Variants in NCEH1 observed in about 807,000 individuals in gnomAD.
The protein encoded by NCEH1 is 2-acetyl MAGE hydrolase.
Under a neutral mutation model 25.4 loss-of-function variants are expected in NCEH1, and 9 were observed. That is an observed-to-expected ratio of 0.35 (90% CI 0.21 to 0.62). The LOEUF (loss-of-function observed/expected upper bound fraction) is 0.62. NCEH1 is among the 20% of genes least tolerant of loss of function. NCEH1 has a pLI of 0.72. For missense variants in NCEH1, 412 were observed against 501.1 expected, an observed-to-expected ratio of 0.82 and a Z score of 1.70; for synonymous variants, 200 against 199.8, an observed-to-expected ratio of 1.00 and a Z score of -0.01.
chr3:172,647,838 C>T (rs1419953145), intron 2 of NCEH1, 48 bp downstream of exon 2: 2 of 1,608,962 alleles, frequency 1.2e-6, no homozygotes, highest in Admixed American at 1.7e-5. Context: ...CGCATCTCCC[C>T]CAAGGCCAAC....
intron 2 of NCEH1, 103 bp from the exon 3 acceptor site, chr3:172,645,795 C>A (rs1717092027): frequency 6.6e-6 from 4 of 604,498 alleles, no homozygotes; most frequent in African/African-American, 1.9e-5. Context: ...GGAGCTAATA[C>A]TAAAAACAAA....
intron 1 of NCEH1, among the ~76,000 whole-genome samples, chr3:172,678,981 G>C (rs920086888): frequency 1.3e-5 from 2 of 152,210 alleles, no homozygotes; most frequent in African/African-American, 4.8e-5. Flanking sequence ...CCGAACAAAG[G>C]AGGCAGGGTC....
At chr3:172,696,393 TTAGTG>T (rs1398446623) in intron 1 of NCEH1, among the ~76,000 whole-genome samples, 1 of 152,230 alleles carries the variant, frequency 6.6e-6, no homozygotes, top group East Asian at 1.9e-4. Flanking sequence ...CCTTTGTAGT[TTAGTG>T]TAGACAACTG....
At chr3:172,677,423 G>C (rs1712074572) in intron 1 of NCEH1, among the ~76,000 whole-genome samples, 1 of 152,212 alleles carries the variant, frequency 6.6e-6, no homozygotes. Context: ...ATCATGACAA[G>C]TTATTGCCTA....
chr3:172,640,464 A>C (rs1023717990), intron 3 of NCEH1, among the ~76,000 whole-genome samples: 2 of 152,168 alleles, frequency 1.3e-5, no homozygotes, highest in African/African-American at 4.8e-5. Flanking sequence ...GTCAAAAAAA[A>C]AGCAAAGCTT....
chr3:172,642,991 T>C (rs544188018), intron 3 of NCEH1, among the ~76,000 whole-genome samples: 1 of 152,250 alleles, frequency 6.6e-6, no homozygotes, highest in Admixed American at 6.5e-5. Context: ...CAGGCTGGAG[T>C]GCAATGGCTC....
intron 1 of NCEH1, among the ~76,000 whole-genome samples, chr3:172,653,752 G>GTTTTTTTTTTTTTTTTTTT (rs375874414): frequency 1.2e-5 from 1 of 83,838 alleles, no homozygotes; most frequent in African/African-American, 4.2e-5. Flanking sequence ...TTGTTTTTTT[G>GTTTTTTTTTTTTTTTTTTT]TTTTTTTGTT....
At chr3:172,694,037 G>A (rs767013413) in intron 1 of NCEH1, among the ~76,000 whole-genome samples, 22 of 152,092 alleles carry the variant, frequency 1.4e-4, no homozygotes, top group Non-Finnish European at 2.4e-4. Flanking sequence ...AGGACTATAG[G>A]CACGTGCCAC....
At chr3:172,674,304 T>C (rs1257997378) in intron 1 of NCEH1, among the ~76,000 whole-genome samples, 1 of 151,628 alleles carries the variant, frequency 6.6e-6, no homozygotes, top group East Asian at 1.9e-4. Context: ...ATTAGCCGGG[T>C]GTGGTGGCAC....
At chr3:172,710,769 C>T (rs1325754813) in intron 1 of NCEH1, 78 bp downstream of exon 1, 2 of 1,531,872 alleles carry the variant, frequency 1.3e-6, no homozygotes, top group African/African-American at 1.4e-5. Context: ...TTCGTGGAAC[C>T]CGGCGGAGGA....
chr3:172,659,180 TAGA>T (rs1717849114), intron 1 of NCEH1, among the ~76,000 whole-genome samples: 1 of 152,126 alleles, frequency 6.6e-6, no homozygotes, highest in South Asian at 2.1e-4. Context: ...GGAAAAATTA[TAGA>T]AGTTATAGAG....
chr3:172,696,169 G>A (rs187685108), intron 1 of NCEH1, among the ~76,000 whole-genome samples: 33 of 152,196 alleles, frequency 2.2e-4, no homozygotes, highest in Admixed American at 1.2e-3. Context: ...AGGAGGTACT[G>A]TCATTATCTT....
At chr3:172,675,946 G>T (rs902836228) in intron 1 of NCEH1, among the ~76,000 whole-genome samples, 8 of 152,080 alleles carry the variant, frequency 5.3e-5, no homozygotes, top group Non-Finnish European at 1.0e-4. Flanking sequence ...TTTTCGCCTA[G>T]AAGCAATTAA....
intron 1 of NCEH1, among the ~76,000 whole-genome samples, chr3:172,706,384 T>G (rs577735405): frequency 0.023 from 3,491 of 152,266 alleles, 142 homozygotes; most frequent in African/African-American, 0.08. Context: ...GCTTAACACA[T>G]GGTACAAATC....
chr3:172,685,012 T>C (rs1364947968), intron 1 of NCEH1, among the ~76,000 whole-genome samples: 1 of 145,898 alleles, frequency 6.9e-6, no homozygotes. Flanking sequence ...GACCCATCTT[T>C]GGGCCAGGCC....
chr3:172,707,333 T>C (rs929265772), intron 1 of NCEH1, among the ~76,000 whole-genome samples: 33 of 152,216 alleles, frequency 2.2e-4, no homozygotes, highest in Non-Finnish European at 3.8e-4. Flanking sequence ...TCAAGTCTTA[T>C]GGTGGCTTTG....
intron 1 of NCEH1, among the ~76,000 whole-genome samples, chr3:172,680,023 A>C (rs979215040): frequency 2.6e-5 from 4 of 152,128 alleles, no homozygotes; most frequent in African/African-American, 9.7e-5. Flanking sequence ...AGGGCTACTC[A>C]AAGGATGGTC....
intron 1 of NCEH1, among the ~76,000 whole-genome samples, chr3:172,675,721 A>C (rs1201260972): frequency 6.6e-6 from 1 of 152,246 alleles, no homozygotes; most frequent in Non-Finnish European, 1.5e-5. Flanking sequence ...GGAGAAATGC[A>C]TGCTGTTCTC....
intron 1 of NCEH1, among the ~76,000 whole-genome samples, chr3:172,695,746 C>G (rs901972421): frequency 6.6e-6 from 1 of 152,026 alleles, no homozygotes; most frequent in Admixed American, 6.6e-5. Context: ...GAGTTTGAGA[C>G]CAGCCTGGCC....
Sources: gnomAD v4.1 joint callset for allele counts (sites outside exome capture counted in the v4.1 genomes callset) on GRCh38, gnomAD v4.1.1 for gene constraint, MANE v1.5 for transcripts, NCBI Gene and HGNC (gene_info 2026-07-23, HGNC 2026-07-21) for gene names.